ALS2: variants seen among roughly 807,000 people sequenced by gnomAD.
ALS2 encodes the protein alsin Rho guanine nucleotide exchange factor ALS2, also known as alsin.
In ALS2, 117 loss-of-function variants were observed where a neutral mutation model predicts 203.4. The ratio of observed to expected loss-of-function variants is 0.58; its 90% confidence interval spans 0.50 to 0.67. The LOEUF is 0.67. ALS2 is among the 30% of genes least tolerant of loss of function. The pLI is 0.00. For synonymous variants in ALS2, 718 were observed against 725.9 expected (o/e 0.99, Z 0.17); for missense variants, 1,715 against 1,989.4 (o/e 0.86, Z 2.62).
intron 28 of ALS2, 101 bp downstream of exon 28, chr2:201,707,768 G>A: frequency 1.4e-6 from 2 of 1,479,100 alleles, no homozygotes; most frequent in Non-Finnish European, 1.9e-6. Flanking sequence ...TTAGAAATGA[G>A]GAAATAGATC....
chr2:201,709,021 T>A (rs1165938400), intron 27 of ALS2, among the ~76,000 whole-genome samples: 1 of 152,188 alleles, frequency 6.6e-6, no homozygotes, highest in East Asian at 1.9e-4. Flanking sequence ...AGGCAAACAA[T>A]ATATGGAAGT....
In ALS2 at chr2:201,761,186, T is replaced by A; in HGVS notation, c.808A>T (p.Asn270Tyr). The A allele has an allele frequency of 6.2e-7, 1 of 1,614,196 alleles. No individual in the cohort carries two copies. The highest frequency in any genetic ancestry group is 8.5e-7 in the Non-Finnish European group (1 of 1,180,036). The change falls in exon 4 of 34, where the codon AAC (asparagine) becomes TAC (tyrosine). Residue 270 changes from asparagine (N) to tyrosine (Y), a missense_variant. Asn to Tyr is a moderately radical substitution (Grantham distance 143). Transcript: ENST00000264276. ...GGGCTGAGAGCAGTGCTGGCATGGT[T>A]TTCTGCCTGAGATTCTGTCAGTGTC... ...GVTLTESQAE[N>Y]HASTALSPST...
intron 9 of ALS2, among the ~76,000 whole-genome samples, chr2:201,745,037 A>C (rs776836769): frequency 6.6e-6 from 1 of 152,214 alleles, no homozygotes; most frequent in Non-Finnish European, 1.5e-5. Context: ...TCAGGCAGGC[A>C]AGCTACAGAC....
chr2:201,731,585 TATC>T (rs762107980), intron 13 of ALS2, among the ~76,000 whole-genome samples: 9 of 152,280 alleles, frequency 5.9e-5, no homozygotes, highest in East Asian at 5.8e-4. Context: ...TCAATAAAAG[TATC>T]ATCATTATTT....
intron 1 of ALS2, among the ~76,000 whole-genome samples, chr2:201,770,568 C>T (rs1413919007): frequency 2.0e-5 from 3 of 152,122 alleles, no homozygotes; most frequent in African/African-American, 7.2e-5. Context: ...GGTCCTAATG[C>T]CCAGAACTTG....
At chr2:201,778,297 C>T (rs1413957958) in intron 1 of ALS2, 1 of 152,166 alleles carries the variant, frequency 6.6e-6, no homozygotes, top group African/African-American at 2.4e-5. Context: ...GGACATAATT[C>T]ACTAGCAGCT....
chr2:201,768,793 G>C (rs913248550), intron 2 of ALS2, 73 bp downstream of exon 2: 2 of 1,385,758 alleles, frequency 1.4e-6, no homozygotes, highest in Non-Finnish European at 2.0e-6. Context: ...AAACTGAAGA[G>C]AAGCTACACA....
At chr2:201,757,874 CAGA>C (rs1282645856) in intron 4 of ALS2, 115 bp from the exon 5 acceptor site, 1 of 791,312 alleles carries the variant, frequency 1.3e-6, no homozygotes, top group Non-Finnish European at 2.0e-6. Context: ...TCTAAAACGA[CAGA>C]AGTTCTCTTC....
chr2:201,761,176 C>A lies in ALS2; in HGVS notation c.818G>T (p.Ser273Ile), dbSNP rs1187866988. 3 of 1,614,194 alleles carry A rather than the reference C, an allele frequency of 1.9e-6. No homozygotes were observed. The Admixed American group carries it at 5.0e-5, about 27-fold the overall frequency. The change falls in exon 4 of 34, where the codon AGC (serine) becomes ATC (isoleucine). Residue 273 changes from serine (S) to isoleucine (I), a missense_variant. Ser to Ile is a moderately radical substitution (Grantham distance 142). This residue lies in a region of ALS2 where 476 missense variants were observed against 539.3 expected (regional missense o/e 0.88). Transcript: ENST00000264276. ...TTCAGTGGAGGGGCTGAGAGCAGTG[C>A]TGGCATGGTTTTCTGCCTGAGATTC... ...LTESQAENHA[S>I]TALSPSTETL...
chr2:201,777,635 T>C (rs1197532353), intron 1 of ALS2, among the ~76,000 whole-genome samples: 2 of 152,158 alleles, frequency 1.3e-5, no homozygotes, highest in Non-Finnish European at 2.9e-5. Context: ...AAAAATAAGT[T>C]ACAGAGGTGA....
chr2:201,751,802 A>G (rs1024546516), intron 7 of ALS2, among the ~76,000 whole-genome samples: 24 of 152,198 alleles, frequency 1.6e-4, no homozygotes, highest in African/African-American at 5.8e-4. Context: ...TGACATCATT[A>G]ATACACCCAG....
Position 201,706,880 on chromosome 2 carries a change from C to T in ALS2, c.4546G>A (p.Asp1516Asn). 6.2e-7 allele frequency: 1 copy of T among 1,614,070 alleles called. No individual in the cohort carries two copies. The highest frequency in any genetic ancestry group is 8.5e-7 in the Non-Finnish European group (1 of 1,179,974). ...CCAAGAAAGCCCAGGAGAGCAATAT[C>T]TGGCTGCTTATTTAGTCGAAGGACA... ...ECVLRLNKQP[D>N]IALLGFLGVQ... Residue 1516 changes from aspartate (D) to asparagine (N), a missense_variant, in exon 29 of 34, where the codon GAT becomes AAT. This residue lies in a region of ALS2 where 1,227 missense variants were observed against 1,413.5 expected (regional missense o/e 0.87). Transcript: ENST00000264276.
intron 1 of ALS2, among the ~76,000 whole-genome samples, chr2:201,778,891 C>T (rs1026139315): frequency 2.6e-5 from 4 of 152,174 alleles, no homozygotes; most frequent in African/African-American, 9.6e-5. Flanking sequence ...TTAAAAATCA[C>T]CACTCTGCCT....
At chr2:201,778,170 T>G (rs539920495) in intron 1 of ALS2, among the ~76,000 whole-genome samples, 1 of 152,108 alleles carries the variant, frequency 6.6e-6, no homozygotes, top group African/African-American at 2.4e-5. Context: ...AGGGAGGCCA[T>G]GTGAACTGAA....
intron 1 of ALS2, among the ~76,000 whole-genome samples, chr2:201,772,091 C>T (rs541127152): frequency 3.3e-5 from 5 of 152,328 alleles, no homozygotes; most frequent in African/African-American, 7.2e-5. Context: ...ATCTCCTTCA[C>T]AGTGATATGT....
At chr2:201,759,993 A>G (rs951203175) in intron 4 of ALS2, 2 of 983,812 alleles carry the variant, frequency 2.0e-6, no homozygotes, top group Middle Eastern at 5.2e-4. Flanking sequence ...TGTTCATTCT[A>G]CCACAAATCT....
intron 12 of ALS2, 131 bp from the exon 13 acceptor site, chr2:201,733,569 C>T (rs186517023): frequency 2.2e-5 from 17 of 786,652 alleles, no homozygotes; most frequent in Admixed American, 1.7e-4. Flanking sequence ...AGTAGAAATA[C>T]AATGAAATAA....
At chr2:201,711,198 C>T in intron 25 of ALS2, 90 bp from the exon 26 acceptor site, 1 of 832,554 alleles carries the variant, frequency 1.2e-6, no homozygotes, top group South Asian at 1.4e-5. Flanking sequence ...TCACTAGCTC[C>T]AGTCAAAGTG....
intron 1 of ALS2, among the ~76,000 whole-genome samples, chr2:201,776,248 G>A (rs995161965): frequency 6.6e-6 from 1 of 152,070 alleles, no homozygotes; most frequent in South Asian, 2.1e-4. Flanking sequence ...ACAGCTTTTG[G>A]TGCAATGAGA....
Sources: allele counts gnomAD v4.1 joint callset (sites outside exome capture counted in the v4.1 genomes callset), GRCh38; gene constraint gnomAD v4.1.1; regional missense constraint gnomAD v4.1.1; transcripts MANE v1.5; gene names NCBI Gene and HGNC (gene_info 2026-07-23, HGNC 2026-07-21).